The following CAPRIN2 variants were observed in gnomAD, a reference collection of about 807,000 sequenced individuals.
CAPRIN2 encodes caprin-2.
CAPRIN2 carries 66 observed loss-of-function variants against 130.4 expected under a neutral mutation model. The ratio of observed to expected loss-of-function variants is 0.51; its 90% CI spans 0.42 to 0.62. CAPRIN2 has a LOEUF of 0.62. Ranked by LOEUF, CAPRIN2 falls within the 20% of genes least tolerant of loss-of-function variation. The pLI is 0.00. For synonymous variants in CAPRIN2, 471 were observed against 444.1 expected, an observed-to-expected ratio of 1.06 and a Z score of -0.76; for missense variants, 1,185 against 1,246.6, an observed-to-expected ratio of 0.95 and a Z score of 0.74.
Position 30,719,243 on chromosome 12 carries a change from A to G in CAPRIN2, c.2148+1568T>C. 1 of 1,613,310 alleles carries G rather than the reference A, an allele frequency of 6.2e-7. No homozygotes were observed. Among genetic ancestry groups the G allele is most frequent in the Non-Finnish European group, 8.5e-7 (1 of 1,179,500 alleles). ...ATTGCTGCCTGGGGAGGAGAAATGC[A>G]GCATCAGCCAATCACCTGCCATATA... is the stretch of plus-strand genomic sequence containing the variant. On this transcript the variant is annotated intron_variant, in intron 12 of 16. Transcript: ENST00000298892.
rs1168055340 is a variant in CAPRIN2 at position 30,728,684 on chromosome 12, C to T, written c.1746G>A (p.Gln582=). The T allele has an allele frequency of 2.5e-6, 4 of 1,612,564 alleles. No homozygotes were observed. The African/African-American group carries it at 5.3e-5, about 22-fold the overall frequency. Residue 582 remains glutamine (Q), a synonymous_variant, in exon 8 of 17, where the codon CAG becomes CAA. Transcript: ENST00000298892. The stretch of plus-strand genomic sequence containing the variant: ...CTGTGTTCAACTTCCTGGGCAGCAG[C>T]TGGTCATTTGGTATGAGGCTTGCTG...
At chr12:30,736,811 G>C (rs529807898) in intron 3 of CAPRIN2, among the ~76,000 whole-genome samples, 1 of 152,262 alleles carries the variant, frequency 6.6e-6, no homozygotes, top group South Asian at 2.1e-4. Context: ...AAAGAGGACG[G>C]AGGTGGCACT....
At chr12:30,754,711 C>G (rs1255852521), upstream of CAPRIN2, 1 of 153,618 alleles carries the variant, frequency 6.5e-6, no homozygotes, top group East Asian at 1.9e-4. Context: ...AGCCGCCTCC[C>G]TCCGCCGCGC....
exon 1 of CAPRIN2, chr12:30,753,779 A>G: frequency 6.3e-7 from 1 of 1,587,496 alleles, no homozygotes; most frequent in Non-Finnish European, 8.6e-7. Flanking sequence ...TTTTAAAGTA[A>G]TTAGTGCCGC....
intron 12 of CAPRIN2, among the ~76,000 whole-genome samples, chr12:30,717,728 T>C (rs2058106166): frequency 6.6e-6 from 1 of 152,152 alleles, no homozygotes; most frequent in South Asian, 2.1e-4. Context: ...AAGGGGTCTT[T>C]TTTTCAAAAA....
rs969699666 is a variant in CAPRIN2, at chr12:30,734,950, A to T, written c.809+18T>A. ...GTGTCAAGTGTTTCATTTCAGGAAA[A>T]TCTTTTCATTAGCTTACCTCAGACT... On this transcript the variant is annotated intron_variant, in intron 4 of 16. Coordinates refer to ENST00000298892, the Ensembl canonical transcript of CAPRIN2. 4 of 1,555,068 alleles carry T rather than the reference A, an allele frequency of 2.6e-6. No homozygotes were observed. The African/African-American group carries it at 5.4e-5, about 21-fold the overall frequency.
intron 12 of CAPRIN2, among the ~76,000 whole-genome samples, chr12:30,717,210 G>A (rs1200340531): frequency 6.6e-6 from 1 of 152,132 alleles, no homozygotes; most frequent in African/African-American, 2.4e-5. Flanking sequence ...GAATGGATAA[G>A]CGAAATGAAG....
intron 8 of CAPRIN2, among the ~76,000 whole-genome samples, 174 bp from the exon 10 acceptor site, chr12:30,726,262 T>C (rs2060893377): frequency 6.6e-6 from 1 of 152,204 alleles, no homozygotes; most frequent in Admixed American, 6.5e-5. Context: ...TAAACAGATT[T>C]TTCCCCTTCA....
At chr12:30,751,201 A>C (rs1322300329) in intron 1 of CAPRIN2, 68 bp from the exon 3 acceptor site, 1 of 1,244,574 alleles carries the variant, frequency 8.0e-7, no homozygotes, top group South Asian at 1.2e-5. Flanking sequence ...AGTAAATGCC[A>C]GATCTTGTCT....
rs1433246719 is a variant in CAPRIN2, at chr12:30,731,334, A to G, written c.1060+9T>C. 1 of 1,608,948 alleles carries G rather than the reference A, an allele frequency of 6.2e-7. No homozygotes were observed. Among genetic ancestry groups the G allele is most frequent in the Admixed American group, 1.7e-5 (1 of 59,584 alleles). ...ACCACTATAAGGATTTTCAGAGGTC[A>G]CAACAAACCTGACTCTTTGACAGAT... On this transcript the variant is annotated intron_variant, in intron 6 of 16. Coordinates refer to ENST00000298892, the Ensembl canonical transcript of CAPRIN2.
At chr12:30,718,409 C>T (rs902088154) in intron 12 of CAPRIN2, among the ~76,000 whole-genome samples, 1 of 152,196 alleles carries the variant, frequency 6.6e-6, no homozygotes, top group Non-Finnish European at 1.5e-5. Flanking sequence ...ACCACCATCA[C>T]TCCGAAGTGC....
chr12:30,749,080 G>A (rs2072293429), intron 2 of CAPRIN2, among the ~76,000 whole-genome samples: 1 of 152,152 alleles, frequency 6.6e-6, no homozygotes, highest in Non-Finnish European at 1.5e-5. Context: ...CAAATAAAAG[G>A]CTGAAGGAGG....
chr12:30,732,562 C>T (rs928246582), intron 5 of CAPRIN2, among the ~76,000 whole-genome samples: 6 of 152,036 alleles, frequency 3.9e-5, no homozygotes, highest in Non-Finnish European at 7.4e-5. Flanking sequence ...ATTGTCCTCT[C>T]CTGACCCCCT....
intron 12 of CAPRIN2, among the ~76,000 whole-genome samples, chr12:30,717,668 CT>C (rs1289200657): frequency 2.0e-5 from 3 of 152,016 alleles, no homozygotes. Flanking sequence ...GTTAATCTTC[CT>C]GCTATTATGC....
intron 5 of CAPRIN2, 149 bp downstream of exon 6, chr12:30,733,480 A>G: frequency 3.2e-6 from 2 of 622,674 alleles, no homozygotes; most frequent in East Asian, 5.5e-5. Flanking sequence ...AACAGAACTA[A>G]ACAAAGGGAT....
At chr12:30,711,621 G>A in exon 16 of CAPRIN2, 1 of 1,613,144 alleles carries the variant, frequency 6.2e-7, no homozygotes, top group Non-Finnish European at 8.5e-7. Flanking sequence ...AACACTGCTG[G>A]AAATTATCCT....
At chr12:30,751,554 T>C (rs1392258500) in intron 1 of CAPRIN2, 2 of 209,670 alleles carry the variant, frequency 9.5e-6, no homozygotes, top group Admixed American at 5.2e-5. Context: ...TGAAGAGTGC[T>C]ACCGGTATCT....
chr12:30,740,869 C>A, intron 3 of CAPRIN2, 151 bp downstream of exon 4: 1 of 549,920 alleles, frequency 1.8e-6, no homozygotes, highest in Non-Finnish European at 3.2e-6. Flanking sequence ...AGTTCTCCAA[C>A]AGTTATCCTC....
intron 2 of CAPRIN2, among the ~76,000 whole-genome samples, chr12:30,741,322 C>T (rs1407775622): frequency 5.9e-5 from 9 of 152,026 alleles, no homozygotes; most frequent in Non-Finnish European, 1.2e-4. Context: ...GCCAGAAATT[C>T]AATTTTTATA....
Sources: allele counts gnomAD v4.1 joint callset (sites outside exome capture counted in the v4.1 genomes callset), GRCh38; gene constraint gnomAD v4.1.1; transcripts MANE v1.5; gene names NCBI Gene and HGNC (gene_info 2026-07-23, HGNC 2026-07-21).